The following VPS13D variants were observed in gnomAD, a reference collection of about 807,000 sequenced individuals.
The protein encoded by VPS13D is intermembrane lipid transfer protein VPS13D.
VPS13D carries 187 observed loss-of-function variants against 461.9 expected under a neutral mutation model. The ratio of observed to expected loss-of-function variants is 0.40; its 90% CI spans 0.36 to 0.46. The LOEUF is 0.46. Among genes scored for constraint, VPS13D ranks in the 20% least tolerant of loss-of-function variants. The pLI is 0.60. For synonymous variants in VPS13D, 1,951 were observed against 1,986.3 expected (o/e 0.98, Z 0.47); for missense variants, 4,711 against 5,364.9 (o/e 0.88, Z 3.81).
intron 40 of VPS13D, 76 bp downstream of exon 40, chr1:12,338,381 A>G (rs1337835845): frequency 7.2e-7 from 1 of 1,382,732 alleles, no homozygotes; most frequent in African/African-American, 1.4e-5. Flanking sequence ...TTTTTTTTTA[A>G]TGAGTGGGAG....
chr1:12,349,412 T>C (rs774992373), intron 46 of VPS13D, 38 bp downstream of exon 46: 2 of 1,385,886 alleles, frequency 1.4e-6, no homozygotes, highest in East Asian at 2.4e-5. Flanking sequence ...CACTTTTGCC[T>C]TTTTTTTTTC....
intron 67 of VPS13D, among the ~76,000 whole-genome samples, chr1:12,469,636 C>T (rs1254411429): frequency 3.3e-5 from 5 of 152,196 alleles, no homozygotes; most frequent in East Asian, 3.8e-4. Flanking sequence ...CCGTAGGAGC[C>T]GCTGTAATGC....
In VPS13D at chr1:12,260,645, TACA is replaced by T. The variant is rs774887046; in HGVS notation, c.1111-45_1111-43del. ...TGAGGGTGTCCAGTGTCTCTGGATC[TACA>T]ACGTTTGTGTTTTTGTTTATTTGCT... is the stretch of plus-strand genomic sequence containing the variant. On this transcript the variant is annotated intron_variant, in intron 10 of 69. Coordinates refer to ENST00000620676, the MANE Select transcript of VPS13D (RefSeq NM_015378.4). 9 of 1,547,534 alleles carry T rather than the reference TACA, an allele frequency of 5.8e-6. No homozygotes were observed. The South Asian group carries it at 1.0e-4, about 17-fold the overall frequency.
intron 57 of VPS13D, 74 bp downstream of exon 57, chr1:12,379,670 A>T (rs943613056): frequency 9.4e-7 from 1 of 1,059,408 alleles, no homozygotes; most frequent in African/African-American, 1.6e-5. Context: ...CTACTAAGTT[A>T]TACATGATGA....
chr1:12,385,539 T>C (rs1644339437), intron 59 of VPS13D, among the ~76,000 whole-genome samples, 166 bp downstream of exon 59: 1 of 152,216 alleles, frequency 6.6e-6, no homozygotes, highest in African/African-American at 2.4e-5. Context: ...ATGTATTATG[T>C]AAATGACAAC....
Position 12,261,005 on chromosome 1 carries a change from G to A in VPS13D, c.1270G>A (p.Gly424Ser), listed in dbSNP as rs779228981. The change falls in exon 12 of 70, where the codon GGT (glycine) becomes AGT (serine). Residue 424 changes from glycine (G) to serine (S), a missense_variant. By Grantham distance (56) the Gly-to-Ser change is moderately conservative (BLOSUM62 0). Coordinates refer to ENST00000620676, the MANE Select transcript of VPS13D (RefSeq NM_015378.4). ...PGACPGAPEPGGGSGMLQYLQ... is the reference protein window; with the variant it reads ...PGACPGAPEPSGGSGMLQYLQ... ...AGCCTGTCCGGGAGCCCCAGAACCC[G>A]GTGGAGGCAGTGGGATGCTGCAGTA... 8 of 1,613,794 alleles carry A rather than the reference G, an allele frequency of 5.0e-6. No homozygotes were observed. In the East Asian group the frequency reaches 8.9e-5, roughly 18 times the overall value.
intron 29 of VPS13D, 110 bp downstream of exon 29, chr1:12,312,035 G>A (rs1299660160): frequency 2.7e-6 from 2 of 747,034 alleles, no homozygotes; most frequent in South Asian, 5.0e-5. Context: ...CAGATGGAAT[G>A]TTGTCTGCAG....
intron 50 of VPS13D, among the ~76,000 whole-genome samples, chr1:12,362,377 T>C (rs1643963887): frequency 6.6e-6 from 1 of 152,240 alleles, no homozygotes; most frequent in South Asian, 2.1e-4. Flanking sequence ...GTGAAACTGT[T>C]GTAAGTATTC....
chr1:12,247,980 C>T (rs1410797844), intron 5 of VPS13D, among the ~76,000 whole-genome samples: 1 of 151,748 alleles, frequency 6.6e-6, no homozygotes, highest in African/African-American at 2.4e-5. Flanking sequence ...CTCCGCCTCC[C>T]GGGTTCATGC....
At chr1:12,281,878 CT>C (rs1641794426) in intron 20 of VPS13D, among the ~76,000 whole-genome samples, 1 of 151,816 alleles carries the variant, frequency 6.6e-6, no homozygotes, top group South Asian at 2.1e-4. Flanking sequence ...AAATAAAAAA[CT>C]TGCCTGAAAA....
At chr1:12,414,041 T>C (rs920943863) in intron 63 of VPS13D, among the ~76,000 whole-genome samples, 2 of 152,138 alleles carry the variant, frequency 1.3e-5, no homozygotes, top group Admixed American at 6.5e-5. Context: ...CGCAGCACTT[T>C]GGGATGCCAA....
At chr1:12,327,967 T>C in intron 36 of VPS13D, 113 bp downstream of exon 36, 1 of 1,053,698 alleles carries the variant, frequency 9.5e-7, no homozygotes. Flanking sequence ...TTGGGTGAAA[T>C]TTAGATAATA....
chr1:12,377,884 C>T (rs1644222211), intron 55 of VPS13D, among the ~76,000 whole-genome samples: 1 of 148,628 alleles, frequency 6.7e-6, no homozygotes, highest in Non-Finnish European at 1.5e-5. Context: ...ATACAACCAA[C>T]TTAACACTTG....
rs767734325 is a variant in VPS13D at position 12,342,867 on chromosome 1, G to T, written c.8733-32G>T. ...GTGAGAGGGAGCTGGGAAGAAACAG[G>T]GACAGGCTGATGTCATCTGATTTGG... On this transcript the variant is annotated intron_variant, in intron 41 of 69. Coordinates refer to ENST00000620676, the MANE Select transcript of VPS13D (RefSeq NM_015378.4). 6.9e-6 allele frequency: 11 copies of T among 1,590,946 alleles called. No homozygotes were observed. In the South Asian group the frequency reaches 9.0e-5, roughly 13 times the overall value.
intron 60 of VPS13D, among the ~76,000 whole-genome samples, chr1:12,398,072 A>G (rs1644522317): frequency 6.6e-6 from 1 of 152,228 alleles, no homozygotes; most frequent in Non-Finnish European, 1.5e-5. Context: ...AAGGGTGTGT[A>G]TGACTCGATT....
chr1:12,359,664 A>G (rs1018316036), intron 50 of VPS13D, among the ~76,000 whole-genome samples: 1 of 152,210 alleles, frequency 6.6e-6, no homozygotes, highest in Non-Finnish European at 1.5e-5. Flanking sequence ...ATATGTTTAA[A>G]TGTCTGAGGA....
intron 35 of VPS13D, among the ~76,000 whole-genome samples, chr1:12,327,174 G>A (rs1643211805): frequency 1.3e-5 from 2 of 152,150 alleles, no homozygotes; most frequent in Admixed American, 1.3e-4. Flanking sequence ...CCAGCAGCTG[G>A]TAAGGGCAGA....
chr1:12,451,846 G>C (rs1248634636), intron 65 of VPS13D, among the ~76,000 whole-genome samples: 1 of 152,210 alleles, frequency 6.6e-6, no homozygotes, highest in Non-Finnish European at 1.5e-5. Flanking sequence ...TCAAAGTTTA[G>C]ATAACATAAT....
intron 40 of VPS13D, among the ~76,000 whole-genome samples, chr1:12,340,002 G>A (rs943445746): frequency 5.3e-5 from 8 of 152,050 alleles, no homozygotes; most frequent in African/African-American, 1.7e-4. Context: ...TTTTTCTCCT[G>A]GGCCCTTTAT....
Sources: allele counts gnomAD v4.1 joint callset (sites outside exome capture counted in the v4.1 genomes callset), GRCh38; gene constraint gnomAD v4.1.1; transcripts MANE v1.5; gene names NCBI Gene and HGNC (gene_info 2026-07-23, HGNC 2026-07-21).